The following ZBBX variants were observed in gnomAD, a reference collection of about 807,000 sequenced individuals.
ZBBX encodes the protein zinc finger B-box domain containing.
ZBBX carries 101 observed loss-of-function variants against 108.5 expected under a neutral mutation model. The observed-to-expected ratio is 0.93, with a 90% CI of 0.79 to 1.10. The LOEUF is 1.10. Ranked by LOEUF, ZBBX falls within the 50% of genes least tolerant of loss-of-function variation. The pLI is 0.00. For synonymous variants in ZBBX, 356 were observed against 323.4 expected, an observed-to-expected ratio of 1.10 and a Z score of -1.08; for missense variants, 1,009 against 941.4, an observed-to-expected ratio of 1.07 and a Z score of -0.94.
the ZBBX span, among the ~76,000 whole-genome samples, chr3:167,188,429 T>C: frequency 2.0e-5 from 3 of 152,180 alleles, no homozygotes; most frequent in Non-Finnish European, 2.9e-5. Context: ...GAAACATTTA[T>C]AACGCTTTAA....
At chr3:167,340,821 C>T (rs996543935) in intron 9 of ZBBX, among the ~76,000 whole-genome samples, 3 of 151,544 alleles carry the variant, frequency 2.0e-5, no homozygotes, top group African/African-American at 7.3e-5. Context: ...GAGGAAAAGC[C>T]CCCATCTAAA....
At chr3:167,210,761 C>G in the ZBBX span, among the ~76,000 whole-genome samples, 1 of 151,986 alleles carries the variant, frequency 6.6e-6, no homozygotes, top group South Asian at 2.1e-4. Context: ...ATTTAAAGTG[C>G]TGAAGGAAAT....
At chr3:167,330,169 A>C (rs1045715513) in intron 10 of ZBBX, among the ~76,000 whole-genome samples, 2 of 152,198 alleles carry the variant, frequency 1.3e-5, no homozygotes, top group African/African-American at 4.8e-5. Context: ...AGGTTGTAGG[A>C]TGTACTTATG....
the ZBBX span, among the ~76,000 whole-genome samples, chr3:167,196,632 A>G: frequency 2.0e-5 from 3 of 152,308 alleles, no homozygotes; most frequent in East Asian, 5.8e-4. Context: ...AACATTGTGG[A>G]TGGTAAAATG....
intron 9 of ZBBX, among the ~76,000 whole-genome samples, chr3:167,343,891 A>G (rs1375715911): frequency 6.6e-6 from 1 of 151,990 alleles, no homozygotes; most frequent in East Asian, 1.9e-4. Flanking sequence ...ATAACTAAAA[A>G]CATATGGCCA....
At chr3:167,290,955 T>C (rs1224133308) in intron 18 of ZBBX, among the ~76,000 whole-genome samples, 1 of 151,836 alleles carries the variant, frequency 6.6e-6, no homozygotes, top group Non-Finnish European at 1.5e-5. Flanking sequence ...AGAAAGTATA[T>C]CAGAGATTAA....
intron 1 of ZBBX, among the ~76,000 whole-genome samples, chr3:167,400,048 T>C (rs1748372447): frequency 6.6e-6 from 1 of 152,218 alleles, no homozygotes; most frequent in Non-Finnish European, 1.5e-5. Context: ...TCATTCTTTA[T>C]GGCCGCATAG....
chr3:167,328,764 A>C (rs1737863074), intron 10 of ZBBX, among the ~76,000 whole-genome samples: 1 of 152,132 alleles, frequency 6.6e-6, no homozygotes, highest in Non-Finnish European at 1.5e-5. Flanking sequence ...CCATATCTTT[A>C]CATAGCCATT....
chr3:167,202,017 G>A, the ZBBX span, among the ~76,000 whole-genome samples: 1 of 152,076 alleles, frequency 6.6e-6, no homozygotes, highest in Non-Finnish European at 1.5e-5. Flanking sequence ...AGTTTATAAA[G>A]TGCATGTTCC....
chr3:167,299,958 C>T lies in ZBBX; in HGVS notation c.1726-1500G>A, dbSNP rs113687450. On this transcript the variant is annotated intron_variant, in intron 17 of 21. Transcript: ENST00000675490. ...CAGCTCCCCTCCACCTGCTTTTCAC[C>T]TTTTGTTTTGCAACTCTTCAAATTC... Among the ~76,000 whole-genome samples, 938 of 152,210 alleles carry T rather than the reference C, an allele frequency of 6.2e-3. 7 individuals are homozygous for T. Among genetic ancestry groups the T allele is most frequent in the African/African-American group, 0.02 (838 of 41,542 alleles).
chr3:167,316,333 G>GT (rs1735448267), intron 14 of ZBBX, among the ~76,000 whole-genome samples: 1 of 152,096 alleles, frequency 6.6e-6, no homozygotes, highest in Non-Finnish European at 1.5e-5. Context: ...TTTAAAAGAG[G>GT]TAAGTTCTCC....
chr3:167,352,709 T>C (rs1231176421), intron 8 of ZBBX, among the ~76,000 whole-genome samples: 1 of 140,524 alleles, frequency 7.1e-6, no homozygotes, highest in Non-Finnish European at 1.5e-5. Flanking sequence ...TAAACATAGA[T>C]ACAAAAATTC....
intron 20 of ZBBX, among the ~76,000 whole-genome samples, chr3:167,273,328 G>A (rs1726876195): frequency 6.6e-6 from 1 of 152,182 alleles, no homozygotes; most frequent in Admixed American, 6.5e-5. Flanking sequence ...CAGAGGCCCA[G>A]ATCATCCCCT....
At chr3:167,201,623 A>G in the ZBBX span, among the ~76,000 whole-genome samples, 3 of 152,152 alleles carry the variant, frequency 2.0e-5, no homozygotes, top group Non-Finnish European at 4.4e-5. Context: ...ATTAAAATAG[A>G]ACTGGCTAAC....
chr3:167,365,997 A>G (rs949457590), intron 5 of ZBBX, 21 bp from the exon 6 acceptor site: 1 of 1,529,234 alleles, frequency 6.5e-7, no homozygotes, highest in Admixed American at 1.7e-5. Flanking sequence ...TATAAACAAG[A>G]TAAAATGTAA....
intron 9 of ZBBX, among the ~76,000 whole-genome samples, chr3:167,342,798 C>CAA (rs374133887): frequency 6.3e-4 from 77 of 121,892 alleles, no homozygotes; most frequent in African/African-American, 2.0e-3. Context: ...GTTATTACCA[C>CAA]AAAAAAAAAA....
chr3:167,382,373 G>A (rs924657782), upstream of ZBBX, among the ~76,000 whole-genome samples: 42 of 152,272 alleles, frequency 2.8e-4, 1 homozygote, highest in African/African-American at 8.4e-4. Flanking sequence ...CTCCACTGAA[G>A]TAAAATGCGT....
chr3:167,229,646 C>G, the ZBBX span, among the ~76,000 whole-genome samples: 1 of 151,804 alleles, frequency 6.6e-6, no homozygotes, highest in African/African-American at 2.4e-5. Flanking sequence ...AGCTTTCTTA[C>G]TGCCACCTCC....
chr3:167,240,549 T>G lies in ZBBX; in HGVS notation c.*244A>C, dbSNP rs1442485189. On this transcript the variant is annotated 3_prime_UTR_variant, in exon 22 of 22. Transcript: ENST00000675490. The stretch of plus-strand genomic sequence containing the variant: ...TAGACACAGTTGTAACAGTTATTTC[T>G]TCAAATTCACCATATTTTACTAACA... 6.5e-6 allele frequency: 2 copies of G among 307,236 alleles called. No homozygotes were observed. The highest frequency in any genetic ancestry group is 4.7e-5 in the Admixed American group (1 of 21,288). 19.0% of individuals were successfully genotyped at this position (307,236 alleles called of 1,614,324 possible).
Sources: gnomAD v4.1 joint callset for allele counts (sites outside exome capture counted in the v4.1 genomes callset) on GRCh38, gnomAD v4.1.1 for gene constraint, MANE v1.5 for transcripts, NCBI Gene and HGNC (gene_info 2026-07-23, HGNC 2026-07-21) for gene names.